The following CHP1 variants were observed in gnomAD, a reference collection of about 807,000 sequenced individuals.
CHP1 encodes the protein calcineurin B homologous protein 1.
In CHP1, 11 loss-of-function variants were observed where a neutral mutation model predicts 27.4. The ratio of observed to expected loss-of-function variants is 0.40; its 90% CI spans 0.25 to 0.67. The LOEUF (loss-of-function observed/expected upper bound fraction) is 0.67. CHP1 is among the 30% of genes least tolerant of loss of function. CHP1 has a pLI of 0.38. For synonymous variants in CHP1, 89 were observed against 87.4 expected (o/e 1.02, Z -0.10); for missense variants, 169 against 251.3 (o/e 0.67, Z 2.22).
chr15:41,243,478 G>A (rs79377655), intron 1 of CHP1, among the ~76,000 whole-genome samples, 189 bp from the exon 2 acceptor site: 4,730 of 152,244 alleles, frequency 0.031, 268 homozygotes, highest in African/African-American at 0.11. Context: ...AATTTTGATT[G>A]CCCTTGATTT....
At chr15:41,250,606 G>A (rs537810878) in intron 2 of CHP1, among the ~76,000 whole-genome samples, 1 of 148,830 alleles carries the variant, frequency 6.7e-6, no homozygotes, top group African/African-American at 2.5e-5. Flanking sequence ...TAATAAAGAG[G>A]AGGAGAAGAA....
At chr15:41,269,016 C>G (rs1251016290) in intron 4 of CHP1, among the ~76,000 whole-genome samples, 1 of 151,816 alleles carries the variant, frequency 6.6e-6, no homozygotes, top group East Asian at 1.9e-4. Context: ...TTTCACCAGC[C>G]TGGGCAACAC....
chr15:41,238,959 A>G (rs772030843), intron 1 of CHP1, among the ~76,000 whole-genome samples: 25 of 152,192 alleles, frequency 1.6e-4, no homozygotes, highest in Non-Finnish European at 3.1e-4. Context: ...TTGGGCACCT[A>G]TCTGACTAGC....
At chr15:41,265,464 C>CTT (rs2047455456) in intron 4 of CHP1, among the ~76,000 whole-genome samples, 1 of 147,518 alleles carries the variant, frequency 6.8e-6, no homozygotes. Context: ...AATCCCAGCA[C>CTT]TTTGGGAGGC....
intron 2 of CHP1, 53 bp downstream of exon 2, chr15:41,243,792 G>C: frequency 6.7e-7 from 1 of 1,503,306 alleles, no homozygotes; most frequent in Non-Finnish European, 9.2e-7. Context: ...CCCTCTGGCA[G>C]TGTCTGAATA....
At chr15:41,264,331 G>T in intron 4 of CHP1, 1 of 538,562 alleles carries the variant, frequency 1.9e-6, no homozygotes, top group Non-Finnish European at 2.8e-6. Flanking sequence ...CTGATGCTGT[G>T]ATTGGGGTTC....
At chr15:41,278,735 G>A (rs113627775) in intron 5 of CHP1, 32 bp from the exon 6 acceptor site, 1 of 1,613,616 alleles carries the variant, frequency 6.2e-7, no homozygotes, top group Non-Finnish European at 8.5e-7. Flanking sequence ...GATTCCCAAG[G>A]CCCTTGTAAT....
chr15:41,276,247 A>C (rs1319127876), intron 5 of CHP1, among the ~76,000 whole-genome samples: 1 of 151,764 alleles, frequency 6.6e-6, no homozygotes, highest in Non-Finnish European at 1.5e-5. Flanking sequence ...TCTCAAAAAA[A>C]AAAAAAAGAA....
At chr15:41,235,688 A>G (rs2047273243) in intron 1 of CHP1, among the ~76,000 whole-genome samples, 1 of 152,212 alleles carries the variant, frequency 6.6e-6, no homozygotes, top group Non-Finnish European at 1.5e-5. Flanking sequence ...CAGGTTGGTA[A>G]GGTTTTGTTT....
At chr15:41,261,048 C>CTGAT (rs1031386088) in intron 3 of CHP1, among the ~76,000 whole-genome samples, 3 of 152,036 alleles carry the variant, frequency 2.0e-5, no homozygotes, top group African/African-American at 7.2e-5. Context: ...CCATGCCTGG[C>CTGAT]TGATTGATTG....
intron 1 of CHP1, among the ~76,000 whole-genome samples, chr15:41,233,856 T>A (rs2140919491): frequency 6.6e-6 from 1 of 152,148 alleles, no homozygotes; most frequent in East Asian, 1.9e-4. Context: ...CCAGGAGAGA[T>A]CTCCCCCTAA....
chr15:41,261,165 C>CT (rs553307471), intron 3 of CHP1, among the ~76,000 whole-genome samples: 83 of 130,958 alleles, frequency 6.3e-4, no homozygotes, highest in African/African-American at 1.9e-3. Flanking sequence ...CTTTCCTTTT[C>CT]TTTTTTTTTG....
At chr15:41,240,931 C>A (rs987096267) in intron 1 of CHP1, among the ~76,000 whole-genome samples, 1 of 151,246 alleles carries the variant, frequency 6.6e-6, no homozygotes, top group Non-Finnish European at 1.5e-5. Flanking sequence ...CCGCTCACTG[C>A]AACCTTCGCC....
intron 1 of CHP1, 58 bp from the exon 2 acceptor site, chr15:41,243,609 G>T (rs2047318062): frequency 1.4e-6 from 2 of 1,390,080 alleles, no homozygotes; most frequent in Non-Finnish European, 2.0e-6. Context: ...GCGAGGGGTG[G>T]GTTCAGTGTG....
intron 4 of CHP1, among the ~76,000 whole-genome samples, chr15:41,267,959 GA>G (rs1201967339): frequency 6.7e-6 from 1 of 148,918 alleles, no homozygotes; most frequent in African/African-American, 2.5e-5. Flanking sequence ...CATAAAAAAG[GA>G]AGGTAAAGGT....
intron 2 of CHP1, among the ~76,000 whole-genome samples, chr15:41,255,322 A>T (rs2047393562): frequency 6.6e-6 from 1 of 152,220 alleles, no homozygotes; most frequent in Non-Finnish European, 1.5e-5. Context: ...AGTTGTAGAC[A>T]GCTTTGTATT....
At chr15:41,252,927 G>GTTTTTTT (rs144891496) in intron 2 of CHP1, among the ~76,000 whole-genome samples, 1 of 65,792 alleles carries the variant, frequency 1.5e-5, no homozygotes. Context: ...ATTTCACATG[G>GTTTTTTT]TTTTTTTTTT....
At chr15:41,257,811 C>T (rs1352409862) in intron 3 of CHP1, among the ~76,000 whole-genome samples, 4 of 152,336 alleles carry the variant, frequency 2.6e-5, no homozygotes, top group African/African-American at 7.2e-5. Flanking sequence ...CCGCCTGCCT[C>T]AGCCTCCCAA....
chr15:41,272,608 A>G (rs1421511892), intron 5 of CHP1, among the ~76,000 whole-genome samples: 2 of 151,736 alleles, frequency 1.3e-5, no homozygotes, highest in Non-Finnish European at 2.9e-5. Context: ...TTTAGTAGAG[A>G]TGGGGTTTCG....
Sources: allele counts gnomAD v4.1 joint callset (sites outside exome capture counted in the v4.1 genomes callset), GRCh38; gene constraint gnomAD v4.1.1; transcripts MANE v1.5; gene names NCBI Gene and HGNC (gene_info 2026-07-23, HGNC 2026-07-21).